FILIP1: variants seen among roughly 807,000 people sequenced by gnomAD.
FILIP1 encodes the protein filamin-A-interacting protein 1.
FILIP1 carries 61 observed loss-of-function variants against 102.1 expected under a neutral mutation model. The observed-to-expected ratio is 0.60, with a 90% CI of 0.49 to 0.74. The LOEUF is 0.74. Ranked by LOEUF, FILIP1 falls within the 30% of genes least tolerant of loss-of-function variation. The probability of loss-of-function intolerance (pLI) is 0.00; values close to 1 mark genes in which losing one functional copy is unlikely to be tolerated. For missense variants in FILIP1, 1,314 were observed against 1,441.2 expected, an observed-to-expected ratio of 0.91 and a Z score of 1.43; for synonymous variants, 491 against 526.9, an observed-to-expected ratio of 0.93 and a Z score of 0.93.
chr6:75,423,377 C>T (rs191505832), intron 1 of FILIP1, among the ~76,000 whole-genome samples: 1 of 152,102 alleles, frequency 6.6e-6, no homozygotes, highest in East Asian at 1.9e-4. Flanking sequence ...TTGTGATGCG[C>T]AACAAAAAGT....
At chr6:75,371,106 C>A (rs1205274439) in intron 2 of FILIP1, among the ~76,000 whole-genome samples, 2 of 151,850 alleles carry the variant, frequency 1.3e-5, no homozygotes, top group African/African-American at 4.8e-5. Context: ...GAAATTAAAC[C>A]CATTTTTTCC....
intron 2 of FILIP1, among the ~76,000 whole-genome samples, chr6:75,379,049 C>T (rs1247225840): frequency 1.3e-5 from 2 of 152,064 alleles, no homozygotes; most frequent in Non-Finnish European, 2.9e-5. Context: ...TAGAGATCAT[C>T]GAACTTAATG....
At chr6:75,385,176 T>A (rs933561535) in intron 2 of FILIP1, among the ~76,000 whole-genome samples, 2 of 152,110 alleles carry the variant, frequency 1.3e-5, no homozygotes, top group African/African-American at 4.8e-5. Flanking sequence ...ACTAATTGGT[T>A]CTCGATTGCA....
intron 1 of FILIP1, among the ~76,000 whole-genome samples, chr6:75,454,141 G>A (rs759323739): frequency 6.6e-6 from 1 of 152,148 alleles, no homozygotes; most frequent in African/African-American, 2.4e-5. Flanking sequence ...GAGGCTCTGC[G>A]AAGAACCTGT....
In FILIP1 at chr6:75,312,719, T is replaced by G; in HGVS notation, c.3113A>C (p.Lys1038Thr). The G allele has an allele frequency of 6.2e-7, 1 of 1,614,202 alleles. No individual in the cohort carries two copies. Among genetic ancestry groups the G allele is most frequent in the Non-Finnish European group, 8.5e-7 (1 of 1,180,054 alleles). Residue 1038 changes from lysine to threonine, a missense_variant, in exon 5 of 6, where the codon AAA (lysine) becomes ACA (threonine). Coordinates refer to ENST00000237172, the MANE Select transcript of FILIP1 (RefSeq NM_015687.5). ...AACAGTCTGTTTTTCTGGGGTGACTTTGAGGATTGTCCGTCCCATGGGCAT... is the reference window on the plus strand; with the variant it reads ...AACAGTCTGTTTTTCTGGGGTGACTGTGAGGATTGTCCGTCCCATGGGCAT... Reference protein sequence around the residue: ...QEMPMGRTILKVTPEKQTVPT... With the variant: ...QEMPMGRTILTVTPEKQTVPT...
chr6:75,388,255 C>T (rs567535375), intron 2 of FILIP1, among the ~76,000 whole-genome samples: 172 of 152,204 alleles, frequency 1.1e-3, no homozygotes, highest in African/African-American at 3.9e-3. Context: ...TTTTTTGGTA[C>T]CAGTACCATG....
intron 6 of FILIP1, among the ~76,000 whole-genome samples, chr6:75,297,236 A>C (rs1251591536): frequency 1.3e-5 from 2 of 152,180 alleles, no homozygotes; most frequent in Non-Finnish European, 2.9e-5. Flanking sequence ...ATTTTTACTT[A>C]TGTAGTTAGT....
chr6:75,419,854 G>A (rs376683484), intron 1 of FILIP1, among the ~76,000 whole-genome samples: 1 of 152,060 alleles, frequency 6.6e-6, no homozygotes, highest in Non-Finnish European at 1.5e-5. Flanking sequence ...TTCTCATGAG[G>A]TTATCACGTA....
At chr6:75,319,304 C>T in intron 4 of FILIP1, 2 of 659,728 alleles carry the variant, frequency 3.0e-6, no homozygotes, top group Admixed American at 1.9e-5. Context: ...CACCAATGGG[C>T]AGGCCAGGAT....
At chr6:75,393,422 C>G (rs1776350959) in intron 2 of FILIP1, among the ~76,000 whole-genome samples, 1 of 152,002 alleles carries the variant, frequency 6.6e-6, no homozygotes, top group Non-Finnish European at 1.5e-5. Context: ...CTTGAAAGAT[C>G]TTTTAAGTAA....
At chr6:75,320,979 CT>C (rs1203867414) in intron 4 of FILIP1, among the ~76,000 whole-genome samples, 1 of 152,146 alleles carries the variant, frequency 6.6e-6, no homozygotes, top group African/African-American at 2.4e-5. Flanking sequence ...TGAATTAAGG[CT>C]TTTTTTCTCT....
chr6:75,326,134 C>T (rs1271834049), intron 4 of FILIP1, among the ~76,000 whole-genome samples: 1 of 151,484 alleles, frequency 6.6e-6, no homozygotes, highest in Non-Finnish European at 1.5e-5. Flanking sequence ...TATACACACA[C>T]ACACACACAC....
At chr6:75,395,280 T>C (rs1290562897) in intron 2 of FILIP1, among the ~76,000 whole-genome samples, 1 of 151,906 alleles carries the variant, frequency 6.6e-6, no homozygotes, top group Non-Finnish European at 1.5e-5. Context: ...TTTAACATAA[T>C]TTTTTTTTCT....
intron 4 of FILIP1, among the ~76,000 whole-genome samples, chr6:75,326,933 T>C (rs373710457): frequency 3.9e-4 from 59 of 152,330 alleles, no homozygotes; most frequent in African/African-American, 1.4e-3. Flanking sequence ...ATTGTGTCAA[T>C]GGCAAGATGA....
chr6:75,313,011 C>G lies in FILIP1; in HGVS notation c.2821G>C (p.Val941Leu). The change falls in exon 5 of 6, where the codon GTC becomes CTC. Residue 941 changes from valine to leucine, a missense_variant. By Grantham distance (32) the Val-to-Leu change is conservative (BLOSUM62 1). Around this residue, in one of 3 missense-constraint regions of FILIP1, gnomAD observed 816 missense variants for 913.1 expected, o/e 0.89. Coordinates refer to ENST00000237172, the MANE Select transcript of FILIP1 (RefSeq NM_015687.5). The surrounding 1 kb of genome is among the most constrained non-coding windows in gnomAD (Gnocchi z 4.2). Reference sequence around the variant, plus strand: ...TTCTGATTCCCTAAGGTAGGAATGACAGTGGTACTAGAAAAAAATTCTTCA... The same window carrying G: ...TTCTGATTCCCTAAGGTAGGAATGAGAGTGGTACTAGAAAAAAATTCTTCA... Reference protein sequence around the residue: ...TSEEFFSSTTVIPTLGNQKPR... With the variant: ...TSEEFFSSTTLIPTLGNQKPR... 6.2e-7 allele frequency: 1 copy of G among 1,614,138 alleles called. No homozygotes were observed. Among genetic ancestry groups the G allele is most frequent in the Non-Finnish European group, 8.5e-7 (1 of 1,180,038 alleles).
At chr6:75,319,841 AAG>A in intron 4 of FILIP1, 16 of 425,232 alleles carry the variant, frequency 3.8e-5, no homozygotes, top group Admixed American at 6.3e-5. Context: ...CAAAAAAAAA[AAG>A]AAAAGAAAAG....
chr6:75,365,559 G>A (rs2149616517), intron 2 of FILIP1, among the ~76,000 whole-genome samples: 1 of 152,240 alleles, frequency 6.6e-6, no homozygotes, highest in Admixed American at 6.5e-5. Flanking sequence ...GCTAATTTTT[G>A]TATTTTTAGT....
rs184598721 is a variant in FILIP1, at chr6:75,423,398, C to T, written c.-6-8420G>A. On this transcript the variant is annotated intron_variant, in intron 1 of 5. Transcript: ENST00000237172. ...TGCGCAACAAAAAGTGGATTTTATA[C>T]GACAATCGGTGAAGGCCAGCTCAGT... Among the ~76,000 whole-genome samples the T allele has an allele frequency of 2.9e-3, 438 of 152,056 alleles. 2 individuals are homozygous for T. The highest frequency in any genetic ancestry group is 4.4e-3 in the Non-Finnish European group (302 of 67,976).
chr6:75,482,328 A>G (rs10806039), intron 1 of FILIP1, among the ~76,000 whole-genome samples: 88,868 of 152,104 alleles, frequency 0.58, 26,417 homozygotes, highest in Non-Finnish European at 0.65. Context: ...GGGAAATTCA[A>G]TGGTATTCAT....
Sources: allele counts gnomAD v4.1 joint callset (sites outside exome capture counted in the v4.1 genomes callset), GRCh38; gene constraint gnomAD v4.1.1; regional missense constraint gnomAD v4.1.1; non-coding constraint Gnocchi (gnomAD v3.1); transcripts MANE v1.5; gene names NCBI Gene and HGNC (gene_info 2026-07-23, HGNC 2026-07-21).